KLRG1: variants seen among roughly 807,000 people sequenced by gnomAD.
KLRG1 encodes the protein killer cell lectin like receptor G1.
KLRG1 carries 16 observed loss-of-function variants against 21.8 expected under a neutral mutation model. The ratio of observed to expected loss-of-function variants is 0.73; its 90% CI spans 0.50 to 1.11. The LOEUF (loss-of-function observed/expected upper bound fraction) is 1.11. Ranked by LOEUF, KLRG1 falls within the 50% of genes most tolerant of loss-of-function variation. KLRG1 has a pLI of 0.00. For missense variants in KLRG1, 173 were observed against 218.3 expected (o/e 0.79, Z 1.31); for synonymous variants, 69 against 75.9 (o/e 0.91, Z 0.47).
In KLRG1 at chr12:8,995,278, A is replaced by G. The variant is rs764448969; in HGVS notation, c.347A>G (p.Asn116Ser). Residue 116 changes from asparagine (N) to serine (S), a missense_variant, in exon 3 of 5, where the codon AAT (asparagine) becomes AGT (serine). Asn to Ser is a conservative substitution (Grantham distance 46). Transcript: ENST00000356986. ...RDSHLLVITD[N>S]QEMSLLQVFL... Reference sequence around the variant, plus strand: ...TCACACCTCCTTGTGATAACGGACAATCAGGAAATGGTAAATGCAAACATT... The same window carrying G: ...TCACACCTCCTTGTGATAACGGACAGTCAGGAAATGGTAAATGCAAACATT... 6.2e-7 allele frequency: 1 copy of G among 1,606,138 alleles called. No homozygotes were observed. The highest frequency in any genetic ancestry group is 1.1e-5 in the South Asian group (1 of 89,344).
At position 8,989,660 on chromosome 12, in the gene KLRG1, A is replaced by G. The variant is rs1253238398; in HGVS notation, c.25A>G (p.Met9Val). Residue 9 changes from methionine (M) to valine (V), a missense_variant, in exon 1 of 5, where the codon ATG becomes GTG. By Grantham distance (21) the Met-to-Val change is conservative. This residue lies in a region of KLRG1 where 144 missense variants were observed against 161.5 expected (regional missense o/e 0.89). Transcript: ENST00000356986. Reference sequence around the variant, plus strand: ...GATGACTGACAGTGTTATTTATTCCATGTTAGAGTTGCCTACGGCAACCCA... The same window carrying G: ...GATGACTGACAGTGTTATTTATTCCGTGTTAGAGTTGCCTACGGCAACCCA... MTDSVIYS[M>V]LELPTATQAQ... The G allele has an allele frequency of 6.8e-6, 11 of 1,609,572 alleles. No homozygotes were observed. Among genetic ancestry groups the G allele is most frequent in the Admixed American group, 1.7e-5 (1 of 59,484 alleles).
At chr12:8,957,092 C>T (rs761255624) in intron 1 of KLRG1, among the ~76,000 whole-genome samples, 1 of 152,120 alleles carries the variant, frequency 6.6e-6, no homozygotes, top group Non-Finnish European at 1.5e-5. Context: ...ACCAAAAAAT[C>T]CTGTGTCAAT....
the KLRG1 span, chr12:9,200,288 T>G: frequency 1.0e-6 from 1 of 988,022 alleles, no homozygotes; most frequent in Non-Finnish European, 1.5e-6. Flanking sequence ...CAAAGTAAAT[T>G]TATAATTTTG....
chr12:9,197,219 A>C, the KLRG1 span: 14 of 796,982 alleles, frequency 1.8e-5, no homozygotes, highest in Middle Eastern at 3.0e-4. Context: ...AGTTGCCTAC[A>C]CATCTTTATC....
chr12:8,979,648 G>A (rs1341675236), intron 1 of KLRG1, among the ~76,000 whole-genome samples: 9 of 152,016 alleles, frequency 5.9e-5, no homozygotes, highest in Non-Finnish European at 1.5e-5. Context: ...TGTTACATAT[G>A]TTTTCTGCTT....
At chr12:9,142,501 T>C in the KLRG1 span, among the ~76,000 whole-genome samples, 1 of 152,232 alleles carries the variant, frequency 6.6e-6, no homozygotes, top group Non-Finnish European at 1.5e-5. Flanking sequence ...CAGTAAGTTT[T>C]AAAGATTAAA....
chr12:9,101,319 G>T, the KLRG1 span: 2 of 1,366,252 alleles, frequency 1.5e-6, no homozygotes, highest in Non-Finnish European at 2.0e-6. Flanking sequence ...CACCTCAAGA[G>T]AAATCAAACT....
Position 9,010,494 on chromosome 12 carries a change from A to T in KLRG1, c.*957A>T, listed in dbSNP as rs1032137298. The T allele has an allele frequency of 6.5e-6, 1 of 154,260 alleles. No individual in the cohort carries two copies. Among genetic ancestry groups the T allele is most frequent in the African/African-American group, 2.4e-5 (1 of 41,500 alleles). The allele number at this position is 154,260 out of a possible 1,614,324, so 9.6% of individuals were successfully genotyped here. ...GGATCACCAAATTATCTTAGGTACTAAGGCCTCAAAAATAAGAAAAACTTT... is the reference window on the plus strand; with the variant it reads ...GGATCACCAAATTATCTTAGGTACTTAGGCCTCAAAAATAAGAAAAACTTT... On this transcript the variant is annotated 3_prime_UTR_variant, in exon 5 of 5. Coordinates refer to ENST00000356986, the MANE Select transcript of KLRG1 (RefSeq NM_005810.4).
At chr12:9,075,847 T>C in the KLRG1 span, among the ~76,000 whole-genome samples, 1 of 152,210 alleles carries the variant, frequency 6.6e-6, no homozygotes, top group African/African-American at 2.4e-5. Context: ...ATGTCGGTAA[T>C]TTTCTATTTC....
chr12:9,120,986 T>A, the KLRG1 span, among the ~76,000 whole-genome samples: 1 of 151,422 alleles, frequency 6.6e-6, no homozygotes, highest in Non-Finnish European at 1.5e-5. Flanking sequence ...GCTCAACTGA[T>A]CCTCCCATCT....
chr12:9,006,179 G>T (rs143082826), intron 3 of KLRG1, among the ~76,000 whole-genome samples: 1 of 152,186 alleles, frequency 6.6e-6, no homozygotes, highest in Non-Finnish European at 1.5e-5. Context: ...TACATGTTAC[G>T]TGTGCTTTCA....
the KLRG1 span, among the ~76,000 whole-genome samples, chr12:9,102,165 C>T: frequency 1.1e-4 from 17 of 152,288 alleles, no homozygotes; most frequent in South Asian, 1.9e-3. Flanking sequence ...AAGAGCTGAG[C>T]TGATGAATTA....
chr12:9,080,619 A>G, the KLRG1 span, among the ~76,000 whole-genome samples: 1 of 152,232 alleles, frequency 6.6e-6, no homozygotes, highest in African/African-American at 2.4e-5. Context: ...CCTGAATTCT[A>G]TAATAATGCT....
At chr12:9,089,914 AG>A in the KLRG1 span, 1 of 1,610,274 alleles carries the variant, frequency 6.2e-7, no homozygotes, top group Non-Finnish European at 8.5e-7. Context: ...CAACCAACAG[AG>A]GCTTGATGAC....
chr12:9,108,817 G>A, the KLRG1 span, among the ~76,000 whole-genome samples: 2 of 152,196 alleles, frequency 1.3e-5, no homozygotes, highest in African/African-American at 4.8e-5. Flanking sequence ...CCCGCCTTAG[G>A]TGGACTAGTG....
chr12:8,989,208 C>G (rs1161967753), upstream of KLRG1, among the ~76,000 whole-genome samples: 1 of 152,128 alleles, frequency 6.6e-6, no homozygotes. Flanking sequence ...CCAAAAGTTC[C>G]AAGAAATGAT....
At chr12:9,181,930 G>A in the KLRG1 span, 5 of 1,593,188 alleles carry the variant, frequency 3.1e-6, no homozygotes, top group East Asian at 6.7e-5. Flanking sequence ...GGCACCTACA[G>A]TATCATTTAT....
At chr12:9,074,162 A>G in the KLRG1 span, among the ~76,000 whole-genome samples, 1 of 151,184 alleles carries the variant, frequency 6.6e-6, no homozygotes, top group Non-Finnish European at 1.5e-5. Flanking sequence ...ATTAAAGGGG[A>G]CCTAAGAATG....
intron 1 of KLRG1, 126 bp downstream of exon 1, chr12:8,989,843 G>C: frequency 4.8e-6 from 3 of 625,812 alleles, no homozygotes; most frequent in Non-Finnish European, 5.6e-6. Context: ...AAATACTTTT[G>C]GTTCAGTTTA....
Sources: allele counts gnomAD v4.1 joint callset (sites outside exome capture counted in the v4.1 genomes callset), GRCh38; gene constraint gnomAD v4.1.1; regional missense constraint gnomAD v4.1.1; transcripts MANE v1.5; gene names NCBI Gene and HGNC (gene_info 2026-07-23, HGNC 2026-07-21).